The following UGT2B11 variants were observed in gnomAD, a reference collection of about 807,000 sequenced individuals.
UGT2B11 encodes the protein UDP-glucuronosyltransferase 2B11.
A neutral mutation model predicts 51.7 loss-of-function variants in UGT2B11; 49 were observed. The ratio of observed to expected loss-of-function variants is 0.95; its 90% CI spans 0.75 to 1.20. UGT2B11 has a LOEUF of 1.20. Among genes scored for constraint, UGT2B11 ranks in the 50% most tolerant of loss-of-function variants. The pLI is 0.00. For missense variants in UGT2B11, 810 were observed against 622.1 expected (o/e 1.30, Z -3.21); for synonymous variants, 273 against 209.0 (o/e 1.31, Z -2.64).
chr4:69,209,658 G>T (rs1477983499), intron 2 of UGT2B11, among the ~76,000 whole-genome samples: 1 of 151,546 alleles, frequency 6.6e-6, no homozygotes, highest in African/African-American at 2.4e-5. Context: ...TTACATTAAC[G>T]TGAGAGTCCT....
rs746342537 is a variant in UGT2B11, at chr4:69,208,482, C to T, written c.871G>A (p.Glu291Lys). ...GAGCTCTGTACAAACTCCTCCATTT[C>T]CTGTGAAAAAAAAATTGTTTCATCA... ...HCKPAKPLPK[E>K]MEEFVQSSGE... The change falls in exon 3 of 6, where the codon GAA becomes AAA. Residue 291 changes from glutamate to lysine, a missense_variant and splice_region_variant. Glu to Lys is a moderately conservative substitution (Grantham distance 56). Coordinates refer to ENST00000446444, the MANE Select transcript of UGT2B11 (RefSeq NM_001073.3). 2.5e-6 allele frequency: 4 copies of T among 1,604,490 alleles called. No homozygotes were observed. Among genetic ancestry groups the T allele is most frequent in the Admixed American group, 3.4e-5 (2 of 58,634 alleles).
chr4:69,209,418 A>G (rs13113271), intron 2 of UGT2B11, among the ~76,000 whole-genome samples: 3 of 151,810 alleles, frequency 2.0e-5, no homozygotes, highest in African/African-American at 7.2e-5. Flanking sequence ...AGTAGCTCAC[A>G]CACACCACAT....
intron 2 of UGT2B11, among the ~76,000 whole-genome samples, chr4:69,208,692 G>C (rs529051058): frequency 1.1e-4 from 16 of 151,728 alleles, no homozygotes; most frequent in African/African-American, 3.9e-4. Flanking sequence ...AAATATGTGT[G>C]TATATGTATG....
At chr4:69,211,096 G>T (rs1722042531) in intron 2 of UGT2B11, 1 of 151,522 alleles carries the variant, frequency 6.6e-6, no homozygotes, top group Admixed American at 6.6e-5. Flanking sequence ...AGTTCATCCA[G>T]AAAGCTTTAC....
chr4:69,214,367 A>T lies in UGT2B11; in HGVS notation c.356T>A (p.Leu119Ter), dbSNP rs1722192092. The change falls in exon 1 of 6, where the codon TTA becomes TAA. Residue 119 changes from leucine to a stop codon, truncating the protein, a stop_gained. Coordinates refer to ENST00000446444, the MANE Select transcript of UGT2B11 (RefSeq NM_001073.3). LOFTEE classifies it high-confidence loss of function. ...ACAGAAGTTTCTAAATATGTCATAT[A>T]ATTCCCACAGGATTTCTTGTTCTTG... ...FSQEQEILWE[L>*]YDIFRNFCKD... The T allele has an allele frequency of 1.2e-6, 2 of 1,612,514 alleles. No homozygotes were observed. Among genetic ancestry groups the T allele is most frequent in the Non-Finnish European group, 1.7e-6 (2 of 1,179,330 alleles).
In UGT2B11 at chr4:69,204,423, T is replaced by G. The variant is rs1721771146; in HGVS notation, c.1310+7A>C. 6.2e-7 allele frequency: 1 copy of G among 1,611,388 alleles called. No individual in the cohort carries two copies. The highest frequency in any genetic ancestry group is 8.5e-7 in the Non-Finnish European group (1 of 1,178,264). ...TACCACCTAGTGAAAAACATTGTTC[T>G]ACTCACAAAGGATCATTAATTACTG... On this transcript the variant is annotated splice_region_variant and intron_variant, in intron 5 of 5. Transcript: ENST00000446444.
the UGT2B11 span, among the ~76,000 whole-genome samples, chr4:69,221,244 C>T: frequency 2.6e-5 from 4 of 152,180 alleles, no homozygotes; most frequent in African/African-American, 9.7e-5. Flanking sequence ...CACTAGTCTC[C>T]ACTGACTATT....
At chr4:69,204,036 TA>T in intron 5 of UGT2B11, among the ~76,000 whole-genome samples, 1 of 151,790 alleles carries the variant, frequency 6.6e-6, no homozygotes, top group Middle Eastern at 3.4e-3. Context: ...ATAATGATGA[TA>T]AAAATTAATT....
chr4:69,206,232 C>T (rs1044901467), intron 3 of UGT2B11, among the ~76,000 whole-genome samples: 1 of 151,248 alleles, frequency 6.6e-6, no homozygotes, highest in African/African-American at 2.4e-5. Flanking sequence ...CCTAAATGAC[C>T]ATCAATTATG....
At chr4:69,216,456 A>T (rs1162862720), upstream of UGT2B11, 1 of 151,808 alleles carries the variant, frequency 6.6e-6, no homozygotes, top group African/African-American at 2.4e-5. Context: ...ATCAATGAGG[A>T]TGGAAGCTGA....
At chr4:69,207,588 A>G (rs989663483) in intron 3 of UGT2B11, among the ~76,000 whole-genome samples, 3 of 151,530 alleles carry the variant, frequency 2.0e-5, no homozygotes, top group African/African-American at 7.3e-5. Context: ...TCTGGTAGTT[A>G]GTGCTGAGTC....
At chr4:69,206,182 A>C (rs1326071010) in intron 3 of UGT2B11, among the ~76,000 whole-genome samples, 1 of 151,506 alleles carries the variant, frequency 6.6e-6, no homozygotes, top group African/African-American at 2.4e-5. Flanking sequence ...AATATATGTT[A>C]GTTGCAGTAC....
upstream of UGT2B11, among the ~76,000 whole-genome samples, chr4:69,219,716 C>T (rs1360448007): frequency 3.3e-5 from 5 of 152,120 alleles, no homozygotes; most frequent in South Asian, 2.1e-4. Flanking sequence ...TCTCAAGACA[C>T]TTATTCACTA....
intron 5 of UGT2B11, 55 bp from the exon 6 acceptor site, chr4:69,200,774 A>G: frequency 2.0e-6 from 3 of 1,508,082 alleles, no homozygotes; most frequent in South Asian, 1.4e-5. Flanking sequence ...TTGCCTGTAC[A>G]TATCAAGTCT....
the UGT2B11 span, among the ~76,000 whole-genome samples, chr4:69,223,670 G>A: frequency 2.0e-5 from 3 of 152,114 alleles, no homozygotes; most frequent in East Asian, 1.9e-4. Context: ...AGCAACAGGA[G>A]GCTTATTAAG....
At chr4:69,220,980 G>A in the UGT2B11 span, among the ~76,000 whole-genome samples, 1 of 152,166 alleles carries the variant, frequency 6.6e-6, no homozygotes, top group African/African-American at 2.4e-5. Context: ...TGTGGAGGAG[G>A]TTATGCCTCC....
At chr4:69,208,091 C>T (rs1009024816) in intron 3 of UGT2B11, among the ~76,000 whole-genome samples, 3 of 151,452 alleles carry the variant, frequency 2.0e-5, no homozygotes, top group African/African-American at 7.3e-5. Flanking sequence ...GTTGTGGATA[C>T]CTACGGAGTA....
upstream of UGT2B11, among the ~76,000 whole-genome samples, chr4:69,218,074 C>T (rs1324646495): frequency 2.6e-5 from 4 of 152,282 alleles, no homozygotes; most frequent in East Asian, 1.9e-4. Context: ...AGCACTCAAA[C>T]ATTCAAACCA....
chr4:69,216,419 C>A (rs1437183657), upstream of UGT2B11: 1 of 151,720 alleles, frequency 6.6e-6, no homozygotes, highest in Non-Finnish European at 1.5e-5. Context: ...GTGGGATAAA[C>A]CTCAAATTTA....
Sources: gnomAD v4.1 joint callset for allele counts (sites outside exome capture counted in the v4.1 genomes callset) on GRCh38, gnomAD v4.1.1 for gene constraint, MANE v1.5 for transcripts, NCBI Gene and HGNC (gene_info 2026-07-23, HGNC 2026-07-21) for gene names.